POU3F3: variants seen among roughly 807,000 people sequenced by gnomAD.
POU3F3 encodes the protein POU class 3 homeobox 3.
In POU3F3, 1 loss-of-function variant was observed where a neutral mutation model predicts 8.6. The ratio of observed to expected loss-of-function variants is 0.12; its 90% CI spans 0.04 to 0.55. The LOEUF (loss-of-function observed/expected upper bound fraction) is 0.55, where lower values mean the gene tolerates loss of function less well. Among genes scored for constraint, POU3F3 ranks in the 20% least tolerant of loss-of-function variants. The pLI is 0.91. For missense variants in POU3F3, 577 were observed against 690.7 expected (o/e 0.84, Z 1.84); for synonymous variants, 418 against 327.4 (o/e 1.28, Z -2.99).
At chr2:104,900,512 T>G in the POU3F3 span, among the ~76,000 whole-genome samples, 1 of 152,150 alleles carries the variant, frequency 6.6e-6, no homozygotes, top group Non-Finnish European at 1.5e-5. Flanking sequence ...TGCGAGAAGG[T>G]GTGAGTTGAC....
At chr2:104,911,434 A>AG in the POU3F3 span, among the ~76,000 whole-genome samples, 3 of 150,228 alleles carry the variant, frequency 2.0e-5, no homozygotes, top group African/African-American at 7.3e-5. Context: ...AAAAAAAAAA[A>AG]GTGCTACACG....
the POU3F3 span, among the ~76,000 whole-genome samples, chr2:104,888,983 A>T: frequency 2.0e-5 from 3 of 152,240 alleles, no homozygotes; most frequent in African/African-American, 7.2e-5. Flanking sequence ...GATGCTTTTG[A>T]AAATAAGCTA....
chr2:104,859,618 G>A (rs1372453035), downstream of POU3F3, among the ~76,000 whole-genome samples: 1 of 152,080 alleles, frequency 6.6e-6, no homozygotes, highest in East Asian at 1.9e-4. Flanking sequence ...GAGCAACAAG[G>A]CACAGTTATT....
At position 104,856,364 on chromosome 2, in the gene POU3F3, C is replaced by A; in HGVS notation, c.854C>A (p.Pro285Gln). ...HHHAHPHPPHPHHAQGPPHHG... is the reference protein window; with the variant it reads ...HHHAHPHPPHQHHAQGPPHHG... The stretch of plus-strand genomic sequence containing the variant: ...CACGCGCATCCTCACCCGCCGCACC[C>A]GCACCACGCGCAGGGACCCCCGCAC... The change falls in exon 1 of 1, where the codon CCG becomes CAG. Residue 285 changes from proline to glutamine, a missense_variant. Coordinates refer to ENST00000361360, the MANE Select transcript of POU3F3 (RefSeq NM_006236.3). 6.5e-7 allele frequency: 1 copy of A among 1,533,438 alleles called. No individual in the cohort carries two copies. Among genetic ancestry groups the A allele is most frequent in the Non-Finnish European group, 8.7e-7 (1 of 1,143,778 alleles). 95.0% of individuals were successfully genotyped at this position (1,533,438 alleles called of 1,614,324 possible).
chr2:104,889,662 A>G, the POU3F3 span, among the ~76,000 whole-genome samples: 296 of 152,344 alleles, frequency 1.9e-3, 2 homozygotes, highest in African/African-American at 6.9e-3. Flanking sequence ...AGAATGTCCA[A>G]CCCTGAGACC....
the POU3F3 span, chr2:104,866,083 C>T: frequency 6.6e-6 from 1 of 152,190 alleles, no homozygotes; most frequent in African/African-American, 2.4e-5. Context: ...AAGACTTATG[C>T]CAAGCACAGC....
chr2:104,901,289 C>T, the POU3F3 span, among the ~76,000 whole-genome samples: 5 of 152,180 alleles, frequency 3.3e-5, no homozygotes, highest in African/African-American at 1.2e-4. Flanking sequence ...CTGTTACAAG[C>T]ACATATTGAA....
the POU3F3 span, among the ~76,000 whole-genome samples, chr2:104,898,217 C>T: frequency 6.6e-6 from 1 of 152,206 alleles, no homozygotes; most frequent in Non-Finnish European, 1.5e-5. Context: ...GGAAGGAGCA[C>T]CTCACCAGGT....
At chr2:104,896,352 G>A in the POU3F3 span, among the ~76,000 whole-genome samples, 16 of 152,264 alleles carry the variant, frequency 1.1e-4, no homozygotes, top group African/African-American at 3.9e-4. Flanking sequence ...CAAAGGACGT[G>A]GACTTGAGGC....
chr2:104,881,358 G>C, the POU3F3 span, among the ~76,000 whole-genome samples: 4 of 151,928 alleles, frequency 2.6e-5, no homozygotes, highest in East Asian at 1.9e-4. Context: ...AGAGATGGGG[G>C]TATCACTGAG....
the POU3F3 span, chr2:104,868,147 C>T: frequency 5.0e-6 from 2 of 399,774 alleles, no homozygotes; most frequent in East Asian, 1.5e-4. Context: ...CCAACTTCAC[C>T]CCCACACCCC....
the POU3F3 span, among the ~76,000 whole-genome samples, chr2:104,914,110 A>G: frequency 1.3e-5 from 2 of 152,214 alleles, no homozygotes; most frequent in African/African-American, 2.4e-5. Context: ...TAAGAAAGCA[A>G]TATCAGTGAG....
At chr2:104,858,713 A>C (rs1013690813), downstream of POU3F3, 12 of 152,254 alleles carry the variant, frequency 7.9e-5, no homozygotes, top group Admixed American at 7.9e-4. Context: ...GGAAATCTAG[A>C]GTAAAGCATA....
chr2:104,882,712 C>A, the POU3F3 span, among the ~76,000 whole-genome samples: 1 of 152,202 alleles, frequency 6.6e-6, no homozygotes, highest in Non-Finnish European at 1.5e-5. Context: ...TGAATTCTAT[C>A]ATCTTCGTAT....
At position 104,855,813 on chromosome 2, in the gene POU3F3, GC is replaced by G; in HGVS notation, c.307del (p.His103ThrfsTer47). The G allele has an allele frequency of 8.7e-7, 1 of 1,153,152 alleles. No homozygotes were observed. The highest frequency in any genetic ancestry group is 2.2e-5 in the South Asian group (1 of 45,928). 71.4% of individuals were successfully genotyped at this position (1,153,152 alleles called of 1,614,324 possible). On this transcript the variant is annotated frameshift_variant, in exon 1 of 1. Coordinates refer to ENST00000361360, the MANE Select transcript of POU3F3 (RefSeq NM_006236.3). LOFTEE classifies it low-confidence loss of function (END_TRUNC). ...ACGCGCACCAGTGGGTCACAGCCCT[GC>G]CCCACGCCGCCGCCGCCGCCGCCGC... ...SHAHQWVTAL[P>X]HAAAAAAAAA... is the part of the protein sequence containing the mutation.
the POU3F3 span, chr2:104,872,209 T>A: frequency 4.4e-6 from 2 of 456,268 alleles, no homozygotes; most frequent in South Asian, 3.1e-5. This position sits in a 1 kb window ranked among gnomAD's most constrained non-coding sequence, Gnocchi z 4.6. Context: ...TCCTCAGCCC[T>A]GCTCCTCCTG....
chr2:104,871,880 C>A, the POU3F3 span, among the ~76,000 whole-genome samples: 1 of 152,176 alleles, frequency 6.6e-6, no homozygotes, highest in Non-Finnish European at 1.5e-5. Flanking sequence ...CCAGTGGAAT[C>A]CAGTATCTGG....
chr2:104,915,982 G>A, the POU3F3 span, among the ~76,000 whole-genome samples: 1 of 151,808 alleles, frequency 6.6e-6, no homozygotes, highest in African/African-American at 2.4e-5. Flanking sequence ...TAAACAATAT[G>A]ACATGCTGTG....
At chr2:104,911,732 A>G in the POU3F3 span, among the ~76,000 whole-genome samples, 2 of 152,054 alleles carry the variant, frequency 1.3e-5, no homozygotes, top group Non-Finnish European at 2.9e-5. Flanking sequence ...ACAACTACAA[A>G]GAGAGGAACC....
Sources: gnomAD v4.1 joint callset for allele counts (sites outside exome capture counted in the v4.1 genomes callset) on GRCh38, gnomAD v4.1.1 for gene constraint, Gnocchi (gnomAD v3.1) non-coding constraint, MANE v1.5 for transcripts, NCBI Gene and HGNC (gene_info 2026-07-23, HGNC 2026-07-21) for gene names.